Variants in WDHD1 observed in about 807,000 individuals in gnomAD.
The protein encoded by WDHD1 is WD repeat and HMG-box DNA binding protein 1.
A neutral mutation model predicts 135.4 loss-of-function variants in WDHD1; 111 were observed. The ratio of observed to expected loss-of-function variants is 0.82; its 90% CI spans 0.70 to 0.96. The LOEUF (loss-of-function observed/expected upper bound fraction) is 0.96. WDHD1 is among the 40% of genes least tolerant of loss of function. WDHD1 has a pLI of 0.00. For missense variants in WDHD1, 1,351 were observed against 1,336.3 expected, an observed-to-expected ratio of 1.01 and a Z score of -0.17; for synonymous variants, 434 against 439.0, an observed-to-expected ratio of 0.99 and a Z score of 0.14.
chr14:54,965,862 A>C (rs1028170767), intron 18 of WDHD1, among the ~76,000 whole-genome samples: 2 of 151,992 alleles, frequency 1.3e-5, no homozygotes, highest in Admixed American at 1.3e-4. Flanking sequence ...AGGTTGAGGC[A>C]GGAGAATCAC....
At chr14:54,994,032 G>C (rs897051489) in intron 11 of WDHD1, among the ~76,000 whole-genome samples, 2 of 151,942 alleles carry the variant, frequency 1.3e-5, no homozygotes, top group Non-Finnish European at 2.9e-5. Context: ...ACTTGATAAT[G>C]TTCAAGTGTT....
intron 12 of WDHD1, among the ~76,000 whole-genome samples, chr14:54,990,340 G>A (rs926655361): frequency 5.9e-5 from 9 of 152,234 alleles, no homozygotes; most frequent in Non-Finnish European, 7.4e-5. Flanking sequence ...GCTCACGCCT[G>A]TAATCCCAGC....
At chr14:54,954,203 T>C (rs2041113230) in intron 24 of WDHD1, among the ~76,000 whole-genome samples, 1 of 151,900 alleles carries the variant, frequency 6.6e-6, no homozygotes, top group Non-Finnish European at 1.5e-5. Flanking sequence ...GGAGAATCGC[T>C]TGAACCTGGG....
At chr14:54,950,352 T>G (rs968339117) in intron 24 of WDHD1, among the ~76,000 whole-genome samples, 1 of 152,022 alleles carries the variant, frequency 6.6e-6, no homozygotes, top group Non-Finnish European at 1.5e-5. Flanking sequence ...TCCTAGTCTC[T>G]GATAAAACAG....
intron 12 of WDHD1, among the ~76,000 whole-genome samples, chr14:54,990,627 C>T (rs2140201762): frequency 6.6e-6 from 1 of 151,530 alleles, no homozygotes; most frequent in South Asian, 2.1e-4. Flanking sequence ...AAATCTAAGG[C>T]AAAAAGCCAA....
Position 54,989,152 on chromosome 14 carries a change from C to T in WDHD1, c.1402G>A (p.Val468Met), listed in dbSNP as rs751438464. 6.2e-6 allele frequency: 10 copies of T among 1,613,478 alleles called. No homozygotes were observed. The highest frequency in any genetic ancestry group is 1.3e-5 in the African/African-American group (1 of 74,874). ...TGTATGGAGGTATCATGGAACTCCACATCTATGGCATTGTCTTGCTCATCA... is the reference window on the plus strand; with the variant it reads ...TGTATGGAGGTATCATGGAACTCCATATCTATGGCATTGTCTTGCTCATCA... ...YNDEQDNAID[V>M]EFHDTSIHHA... Residue 468 changes from valine (V) to methionine (M), a missense_variant, in exon 13 of 26, where the codon GTG becomes ATG. Physicochemically the swap from Val to Met is conservative, Grantham distance 21. Transcript: ENST00000360586.
intron 21 of WDHD1, among the ~76,000 whole-genome samples, chr14:54,960,326 C>T (rs183354174): frequency 8.4e-4 from 127 of 151,996 alleles, no homozygotes; most frequent in African/African-American, 2.8e-3. Flanking sequence ...TGTCACCATG[C>T]CCGGCTAATT....
chr14:54,967,479 A>C (rs192210429), intron 16 of WDHD1, 85 bp from the exon 17 acceptor site: 35 of 838,796 alleles, frequency 4.2e-5, no homozygotes, highest in Admixed American at 3.8e-4. Context: ...AAAAGTTAGT[A>C]ACTTAGAATA....
intron 2 of WDHD1, 29 bp downstream of exon 2, chr14:55,026,682 C>G: frequency 6.8e-6 from 11 of 1,611,408 alleles, no homozygotes; most frequent in Non-Finnish European, 9.3e-6. Context: ...ACATTTGCAC[C>G]TAAAACGTTG....
At chr14:55,021,719 A>G (rs569907285) in intron 2 of WDHD1, among the ~76,000 whole-genome samples, 8 of 152,212 alleles carry the variant, frequency 5.3e-5, no homozygotes, top group South Asian at 4.2e-4. Flanking sequence ...TCCAAGGTCT[A>G]TATCTTGAAA....
At chr14:54,974,634 T>C (rs1457805070) in intron 16 of WDHD1, among the ~76,000 whole-genome samples, 1 of 151,956 alleles carries the variant, frequency 6.6e-6, no homozygotes, top group Non-Finnish European at 1.5e-5. Context: ...GAGACCAGCC[T>C]GGGCAACCTG....
chr14:54,953,839 G>A (rs2041104911), intron 24 of WDHD1, among the ~76,000 whole-genome samples: 1 of 152,066 alleles, frequency 6.6e-6, no homozygotes, highest in Non-Finnish European at 1.5e-5. Context: ...GGATGAAACT[G>A]GGAACCATCA....
intron 10 of WDHD1, among the ~76,000 whole-genome samples, chr14:54,999,277 G>C (rs533787142): frequency 4.4e-4 from 67 of 152,228 alleles, no homozygotes; most frequent in African/African-American, 1.6e-3. Flanking sequence ...AGTGTCCCTA[G>C]ACCAAGGACA....
intron 7 of WDHD1, among the ~76,000 whole-genome samples, chr14:55,005,881 T>C (rs765386317): frequency 1.3e-5 from 2 of 152,156 alleles, no homozygotes; most frequent in Non-Finnish European, 2.9e-5. Flanking sequence ...CATTTTATTT[T>C]TAAGGCAGGG....
chr14:54,970,416 A>T (rs773372858), intron 16 of WDHD1, among the ~76,000 whole-genome samples: 1 of 152,150 alleles, frequency 6.6e-6, no homozygotes, highest in Non-Finnish European at 1.5e-5. Flanking sequence ...TACAATAGTC[A>T]TACATGTACA....
In WDHD1 at chr14:55,010,607, T is replaced by C. The variant is rs193237690; in HGVS notation, c.190-147A>G. 5.3e-5 allele frequency: 38 copies of C among 716,702 alleles called. No homozygotes were observed. The Admixed American group carries it at 1.4e-3, about 26-fold the overall frequency. 44.4% of individuals were successfully genotyped at this position (716,702 alleles called of 1,614,324 possible). A position where few individuals can be genotyped will look rare whatever the true frequency, so the allele number is the denominator to read the frequency against. On this transcript the variant is annotated intron_variant, in intron 3 of 25. Coordinates refer to ENST00000360586, the MANE Select transcript of WDHD1 (RefSeq NM_007086.4). ...AAAATTATCACTAAATGTACAACTT[T>C]GCTGGAATGTGCATTAGCAAGAAAA...
chr14:54,964,466 C>T (rs944108062), intron 18 of WDHD1, among the ~76,000 whole-genome samples: 10 of 151,998 alleles, frequency 6.6e-5, no homozygotes, highest in Non-Finnish European at 1.5e-5. Context: ...CGGTGAAACA[C>T]AGTCTCTATT....
intron 12 of WDHD1, 22 bp downstream of exon 12, chr14:54,991,186 GAAGTT>G (rs2041779512): frequency 1.5e-6 from 2 of 1,304,780 alleles, no homozygotes; most frequent in South Asian, 1.3e-5. Context: ...AACCTACTAA[GAAGTT>G]AAGTGTAGAT....
chr14:54,960,459 C>G (rs2041233116), intron 21 of WDHD1, among the ~76,000 whole-genome samples: 1 of 151,850 alleles, frequency 6.6e-6, no homozygotes, highest in African/African-American at 2.4e-5. Context: ...TGAGCCACCA[C>G]GCCCAGCTTG....
Sources: allele counts gnomAD v4.1 joint callset (sites outside exome capture counted in the v4.1 genomes callset), GRCh38; gene constraint gnomAD v4.1.1; transcripts MANE v1.5; gene names NCBI Gene and HGNC (gene_info 2026-07-23, HGNC 2026-07-21).